WWP2: variants seen among roughly 807,000 people sequenced by gnomAD.
WWP2 encodes NEDD4-like E3 ubiquitin-protein ligase WWP2.
WWP2 carries 57 observed loss-of-function variants against 121.0 expected under a neutral mutation model. The ratio of observed to expected loss-of-function variants is 0.47; its 90% CI spans 0.38 to 0.59. WWP2 has a LOEUF of 0.59. Ranked by LOEUF, WWP2 falls within the 20% of genes least tolerant of loss-of-function variation. The pLI is 0.00. For missense variants in WWP2, 962 were observed against 1,158.9 expected, an observed-to-expected ratio of 0.83 and a Z score of 2.47; for synonymous variants, 449 against 441.3, an observed-to-expected ratio of 1.02 and a Z score of -0.22.
At chr16:69,862,350 C>G (rs2057437304) in intron 6 of WWP2, among the ~76,000 whole-genome samples, 1 of 152,212 alleles carries the variant, frequency 6.6e-6, no homozygotes, top group African/African-American at 2.4e-5. Flanking sequence ...CAGGCGTGAG[C>G]TACCGCGCCT....
chr16:69,817,701 C>T lies in WWP2; in HGVS notation c.340+18406C>T, dbSNP rs1217626565. Reference sequence around the variant, plus strand: ...TTTTTTTTTTAAAGAGATGGAGTCTCGCTCCGTCACACAGGGGTGTGATCA... The same window carrying T: ...TTTTTTTTTTAAAGAGATGGAGTCTTGCTCCGTCACACAGGGGTGTGATCA... On this transcript the variant is annotated intron_variant, in intron 4 of 23. Coordinates refer to ENST00000359154, the MANE Select transcript of WWP2 (RefSeq NM_001270454.2). Among the ~76,000 whole-genome samples, 18 of 140,422 alleles carry T rather than the reference C, an allele frequency of 1.3e-4. 2 individuals carry two copies. Among genetic ancestry groups the T allele is most frequent in the East Asian group, 6.2e-4 (3 of 4,854 alleles). 92.1% of individuals were successfully genotyped at this position (140,422 alleles called of 152,430 possible).
At chr16:69,815,065 C>G (rs575406116) in intron 4 of WWP2, among the ~76,000 whole-genome samples, 1 of 151,956 alleles carries the variant, frequency 6.6e-6, no homozygotes, top group Non-Finnish European at 1.5e-5. Context: ...TGTAGTGGGA[C>G]GATCTTGGCT....
At chr16:69,803,367 T>TA (rs200212833) in intron 4 of WWP2, among the ~76,000 whole-genome samples, 22 of 149,654 alleles carry the variant, frequency 1.5e-4, no homozygotes, top group South Asian at 6.2e-4. Context: ...AACATTTACA[T>TA]AAAAAAAACA....
intron 6 of WWP2, among the ~76,000 whole-genome samples, chr16:69,845,309 T>TAAGCCTGGGAAGTG (rs1475154327): frequency 6.6e-6 from 1 of 152,118 alleles, no homozygotes; most frequent in African/African-American, 2.4e-5. Flanking sequence ...CCTTCCCTGC[T>TAAGCCTGGGAAGTG]AAGCCTGGGA....
Position 69,931,890 on chromosome 16 carries a change from G to A in WWP2, c.1682G>A (p.Arg561Lys), listed in dbSNP as rs1208639902. ...GGCCTGGACTATGGGGGCATCGCCA[G>A]GTGAGCTTGAGTGCCCCGGAAGGCT... ...EEGLDYGGIAREWFFLLSHEV... is the reference protein window; with the variant it reads ...EEGLDYGGIAKEWFFLLSHEV... The change falls in exon 16 of 24, where the codon AGA (arginine) becomes AAA (lysine). Residue 561 changes from arginine to lysine, a missense_variant and splice_region_variant. This residue lies in a region of WWP2 where 606 missense variants were observed against 772.6 expected (regional missense o/e 0.78). Transcript: ENST00000359154. 2 of 1,612,532 alleles carry A rather than the reference G, an allele frequency of 1.2e-6. No individual in the cohort carries two copies. The highest frequency in any genetic ancestry group is 3.3e-5 in the Admixed American group (2 of 59,984).
intron 6 of WWP2, among the ~76,000 whole-genome samples, chr16:69,852,391 C>T (rs538655389): frequency 9.2e-5 from 14 of 152,048 alleles, no homozygotes; most frequent in Non-Finnish European, 1.8e-4. Flanking sequence ...ATTCTCCTGC[C>T]TCAGCCTCCT....
intron 4 of WWP2, among the ~76,000 whole-genome samples, chr16:69,812,428 G>A (rs1315149495): frequency 6.7e-6 from 1 of 149,364 alleles, no homozygotes; most frequent in Non-Finnish European, 1.5e-5. Context: ...GCCTCCCAAA[G>A]TGCTAAGATC....
At chr16:69,930,015 C>T (rs955195060) in intron 12 of WWP2, 115 bp from the exon 13 acceptor site, 26 of 1,497,384 alleles carry the variant, frequency 1.7e-5, no homozygotes, top group Non-Finnish European at 2.2e-5. Context: ...TGCATGTCCT[C>T]AAAGTCCCTC....
chr16:69,890,317 T>C (rs975174345), intron 8 of WWP2, among the ~76,000 whole-genome samples: 2 of 152,148 alleles, frequency 1.3e-5, no homozygotes, highest in African/African-American at 4.8e-5. Context: ...CTGTTCCACA[T>C]ACCTTTGTAC....
chr16:69,784,456 A>G (rs2055739594), intron 1 of WWP2, among the ~76,000 whole-genome samples: 1 of 152,182 alleles, frequency 6.6e-6, no homozygotes, highest in Admixed American at 6.5e-5. Flanking sequence ...TCCCATTCAC[A>G]CCAATGTTCC....
At chr16:69,817,659 CTT>C (rs200998762) in intron 4 of WWP2, among the ~76,000 whole-genome samples, 15 of 119,974 alleles carry the variant, frequency 1.3e-4, no homozygotes, top group East Asian at 4.7e-4. Flanking sequence ...TTGTTAAACT[CTT>C]TTTTTTTTTT....
At chr16:69,927,429 C>T (rs1276690177) in intron 11 of WWP2, among the ~76,000 whole-genome samples, 1 of 141,578 alleles carries the variant, frequency 7.1e-6, no homozygotes, top group African/African-American at 2.5e-5. Context: ...GCAGCCCTGA[C>T]CCTGGGCCTG....
intron 7 of WWP2, among the ~76,000 whole-genome samples, chr16:69,880,075 C>T (rs13335905): frequency 0.02 from 2,988 of 150,476 alleles, 90 homozygotes; most frequent in African/African-American, 0.068. Context: ...CATGATGTTA[C>T]GTTATCAAAA....
chr16:69,885,102 TACAC>T (rs3051438), intron 7 of WWP2, among the ~76,000 whole-genome samples: 9,222 of 139,980 alleles, frequency 0.066, 403 homozygotes, highest in African/African-American at 0.12. Context: ...AAACTCCTCC[TACAC>T]ACACACACAC....
chr16:69,901,092 A>C (rs990469990), intron 8 of WWP2, among the ~76,000 whole-genome samples: 1 of 152,186 alleles, frequency 6.6e-6, no homozygotes, highest in Non-Finnish European at 1.5e-5. Flanking sequence ...AGTGCACAGG[A>C]ATTATATTCC....
chr16:69,939,492 G>C, intron 23 of WWP2, 79 bp downstream of exon 23: 1 of 1,480,506 alleles, frequency 6.8e-7, no homozygotes, highest in Non-Finnish European at 9.4e-7. Context: ...GGGTGTAGCA[G>C]CTTCATAGCC....
chr16:69,936,328 G>C lies in WWP2; in HGVS notation c.1993G>C (p.Glu665Gln), dbSNP rs775403071. The C allele has an allele frequency of 4.3e-6, 7 of 1,614,050 alleles. No homozygotes were observed. In the East Asian group the frequency reaches 1.6e-4, roughly 36 times the overall value. ...TGCCCCCAGAGAGAACAACCTGGAA[G>C]AATGTGGCCTGGAGCTGTACTTCAT... ...IVWIKENNLE[E>Q]CGLELYFIQD... The change falls in exon 19 of 24, where the codon GAA (glutamate) becomes CAA (glutamine). Residue 665 changes from glutamate to glutamine, a missense_variant. Physicochemically the swap from Glu to Gln is conservative, Grantham distance 29. This residue lies in a region of WWP2 where 606 missense variants were observed against 772.6 expected (regional missense o/e 0.78). Coordinates refer to ENST00000359154, the MANE Select transcript of WWP2 (RefSeq NM_001270454.2).
chr16:69,811,912 A>T (rs2056398868), intron 4 of WWP2, among the ~76,000 whole-genome samples: 2 of 152,190 alleles, frequency 1.3e-5, no homozygotes, highest in Admixed American at 6.5e-5. Context: ...TGTTTCTTTC[A>T]TCCCTAAATA....
chr16:69,900,596 C>G (rs2058188914), intron 8 of WWP2, among the ~76,000 whole-genome samples: 1 of 151,768 alleles, frequency 6.6e-6, no homozygotes, highest in Non-Finnish European at 1.5e-5. Flanking sequence ...GATCTCAGAT[C>G]ACTGCATCCT....
Sources: allele counts gnomAD v4.1 joint callset (sites outside exome capture counted in the v4.1 genomes callset), GRCh38; gene constraint gnomAD v4.1.1; regional missense constraint gnomAD v4.1.1; transcripts MANE v1.5; gene names NCBI Gene and HGNC (gene_info 2026-07-23, HGNC 2026-07-21).